The following ZNF521 variants were observed in gnomAD, a reference collection of about 807,000 sequenced individuals.
ZNF521 encodes zinc finger protein 521.
ZNF521 carries 14 observed loss-of-function variants against 105.5 expected under a neutral mutation model. That is an observed-to-expected ratio of 0.13 (90% CI 0.09 to 0.21). The LOEUF (loss-of-function observed/expected upper bound fraction) is 0.21. Among genes scored for constraint, ZNF521 ranks in the 10% least tolerant of loss-of-function variants. The probability of loss-of-function intolerance (pLI) is 1.00; values close to 1 mark genes in which losing one functional copy is unlikely to be tolerated. For synonymous variants in ZNF521, 635 were observed against 606.0 expected (o/e 1.05, Z -0.70); for missense variants, 1,233 against 1,629.7 (o/e 0.76, Z 4.19).
chr18:25,284,460 T>C (rs1458493021), intron 3 of ZNF521, among the ~76,000 whole-genome samples: 1 of 151,730 alleles, frequency 6.6e-6, no homozygotes, highest in Non-Finnish European at 1.5e-5. Context: ...TAACAATACG[T>C]CACACAAAAA....
chr18:25,219,866 T>C (rs1905584390), intron 4 of ZNF521, among the ~76,000 whole-genome samples: 1 of 152,120 alleles, frequency 6.6e-6, no homozygotes, highest in Non-Finnish European at 1.5e-5. Context: ...TGAGGTGTAA[T>C]CCCCATAAAA....
At chr18:25,163,097 T>C (rs2035278232) in intron 5 of ZNF521, among the ~76,000 whole-genome samples, 1 of 152,202 alleles carries the variant, frequency 6.6e-6, no homozygotes, top group South Asian at 2.1e-4. Context: ...GTAGCTGAAT[T>C]AGATCTAGAA....
chr18:25,099,094 C>G (rs1447774774), intron 5 of ZNF521, among the ~76,000 whole-genome samples: 1 of 152,080 alleles, frequency 6.6e-6, no homozygotes, highest in Non-Finnish European at 1.5e-5. Flanking sequence ...AGTGCAAGTT[C>G]CAGGAGGGCA....
intron 3 of ZNF521, among the ~76,000 whole-genome samples, chr18:25,259,555 G>T (rs1908761459): frequency 2.6e-5 from 4 of 152,158 alleles, no homozygotes; most frequent in Admixed American, 1.3e-4. Flanking sequence ...GAAGAGAGCT[G>T]AAGGGAGTAG....
At chr18:25,139,372 C>CAAAA (rs36175281) in intron 5 of ZNF521, among the ~76,000 whole-genome samples, 18 of 51,386 alleles carry the variant, frequency 3.5e-4, no homozygotes, top group South Asian at 9.9e-4. Context: ...GACTCTGTCT[C>CAAAA]AAAAAAAAAA....
chr18:25,151,443 G>T (rs1490870120), intron 5 of ZNF521, among the ~76,000 whole-genome samples: 1 of 152,118 alleles, frequency 6.6e-6, no homozygotes, highest in South Asian at 2.1e-4. Flanking sequence ...TCACCTAGAA[G>T]AAAAATAACA....
chr18:25,315,047 C>G (rs1160538878), intron 3 of ZNF521, among the ~76,000 whole-genome samples: 1 of 152,202 alleles, frequency 6.6e-6, no homozygotes, highest in Non-Finnish European at 1.5e-5. Context: ...CAGCCCTCCC[C>G]ACCCCCTGAG....
At chr18:25,079,304 GTTGTGATGCACACCTTGTT>G (rs2033436615) in intron 7 of ZNF521, among the ~76,000 whole-genome samples, 1 of 152,154 alleles carries the variant, frequency 6.6e-6, no homozygotes, top group South Asian at 2.1e-4. Context: ...GTTAGTTTGG[GTTGTGATGCACACCTTGTT>G]TTGTGTCCCT....
At chr18:25,290,607 CTT>C (rs35687026) in intron 3 of ZNF521, among the ~76,000 whole-genome samples, 7 of 116,184 alleles carry the variant, frequency 6.0e-5, no homozygotes, top group East Asian at 2.5e-4. Flanking sequence ...AGGCCATATT[CTT>C]TTTTTTTTTT....
intron 3 of ZNF521, among the ~76,000 whole-genome samples, chr18:25,262,134 T>C (rs1334245046): frequency 6.6e-6 from 1 of 152,134 alleles, no homozygotes; most frequent in African/African-American, 2.4e-5. Context: ...ATCACTTATG[T>C]CTTATGTCAT....
chr18:25,097,151 T>C (rs1032831928), intron 5 of ZNF521, among the ~76,000 whole-genome samples: 1 of 152,110 alleles, frequency 6.6e-6, no homozygotes. Flanking sequence ...CTCGGCTACA[T>C]TGGCTCGCCC....
intron 5 of ZNF521, among the ~76,000 whole-genome samples, chr18:25,148,078 G>A (rs957429666): frequency 3.9e-5 from 6 of 152,094 alleles, no homozygotes; most frequent in African/African-American, 9.7e-5. Context: ...TAGGGGTTCC[G>A]GAGGCCAATC....
chr18:25,073,064 T>C (rs2033265720), intron 7 of ZNF521, among the ~76,000 whole-genome samples: 1 of 152,050 alleles, frequency 6.6e-6, no homozygotes, highest in South Asian at 2.1e-4. Context: ...TCTGACATTG[T>C]AATGTGTTCA....
chr18:25,265,338 T>C (rs988268269), intron 3 of ZNF521, among the ~76,000 whole-genome samples: 4 of 152,200 alleles, frequency 2.6e-5, no homozygotes, highest in Non-Finnish European at 4.4e-5. Context: ...CTCCCATTCT[T>C]GGACTCAGGA....
At chr18:25,156,670 T>C (rs2144506789) in intron 5 of ZNF521, among the ~76,000 whole-genome samples, 1 of 152,302 alleles carries the variant, frequency 6.6e-6, no homozygotes, top group South Asian at 2.1e-4. Flanking sequence ...CATATATATG[T>C]AATTGTTTTT....
intron 4 of ZNF521, among the ~76,000 whole-genome samples, chr18:25,206,142 T>C (rs1257371649): frequency 6.6e-6 from 1 of 152,180 alleles, no homozygotes; most frequent in Non-Finnish European, 1.5e-5. Context: ...TAGCTAAGAC[T>C]ACAGGCATGA....
chr18:25,135,742 G>A (rs1180009965), intron 5 of ZNF521, among the ~76,000 whole-genome samples: 1 of 152,134 alleles, frequency 6.6e-6, no homozygotes, highest in Non-Finnish European at 1.5e-5. Flanking sequence ...CCCCAGGAAA[G>A]GTGTAGGGAA....
At chr18:25,262,486 G>C (rs1012348751) in intron 3 of ZNF521, among the ~76,000 whole-genome samples, 6 of 152,058 alleles carry the variant, frequency 3.9e-5, no homozygotes, top group Non-Finnish European at 8.8e-5. Flanking sequence ...TAACTATGTT[G>C]GTTATCCACA....
At chr18:25,272,720 C>G (rs1909743232) in intron 3 of ZNF521, among the ~76,000 whole-genome samples, 1 of 151,616 alleles carries the variant, frequency 6.6e-6, no homozygotes, top group Non-Finnish European at 1.5e-5. Flanking sequence ...AATGAGGACA[C>G]AGGGATACAG....
Sources: gnomAD v4.1 joint callset for allele counts (sites outside exome capture counted in the v4.1 genomes callset) on GRCh38, gnomAD v4.1.1 for gene constraint, MANE v1.5 for transcripts, NCBI Gene and HGNC (gene_info 2026-07-23, HGNC 2026-07-21) for gene names.